CHRNB2: variants seen among roughly 807,000 people sequenced by gnomAD.
CHRNB2 encodes the protein cholinergic receptor nicotinic beta 2 subunit, also known as neuronal acetylcholine receptor subunit beta-2.
Under a neutral mutation model 42.7 loss-of-function variants are expected in CHRNB2, and 33 were observed. That is an observed-to-expected ratio of 0.77 (90% CI 0.59 to 1.03). The LOEUF (loss-of-function observed/expected upper bound fraction) is 1.03, where lower values mean the gene tolerates loss of function less well. Among genes scored for constraint, CHRNB2 ranks in the 50% least tolerant of loss-of-function variants. CHRNB2 has a pLI of 0.00. For missense variants in CHRNB2, 603 were observed against 700.9 expected, an observed-to-expected ratio of 0.86 and a Z score of 1.58; for synonymous variants, 325 against 292.9, an observed-to-expected ratio of 1.11 and a Z score of -1.12.
In CHRNB2 at chr1:154,579,183, G is replaced by C. The variant is rs893280977; in HGVS notation, c.*3251G>C. 1 of 152,254 alleles carries C rather than the reference G, an allele frequency of 6.6e-6. No individual in the cohort carries two copies. The highest frequency in any genetic ancestry group is 1.5e-5 in the Non-Finnish European group (1 of 68,100). 9.4% of individuals were successfully genotyped at this position (152,254 alleles called of 1,614,324 possible). ...CGTTTCCCCCAATGGTCTTGAAACG[G>C]AAGAGGAAACAGGGAGGGCTCTTTG... On this transcript the variant is annotated 3_prime_UTR_variant, in exon 6 of 6. Transcript: ENST00000368476.
chr1:154,567,873 C>T lies in CHRNB2; in HGVS notation c.-172C>T. ...ACCAGGATAGGCAAGAAGCTGGTTT[C>T]TCCTCGCAGCCGGCTCCCTGAGGCC... On this transcript the variant is annotated 5_prime_UTR_variant, in exon 1 of 6. Coordinates refer to ENST00000368476, the MANE Select transcript of CHRNB2 (RefSeq NM_000748.3). 1 of 502,340 alleles carries T rather than the reference C, an allele frequency of 2.0e-6. No individual in the cohort carries two copies. 31.1% of individuals were successfully genotyped at this position (502,340 alleles called of 1,614,324 possible). A position where few individuals can be genotyped will look rare whatever the true frequency, so the allele number is the denominator to read the frequency against.
Position 154,571,356 on chromosome 1 carries a change from A to G in CHRNB2, c.533A>G (p.Tyr178Cys). 6.2e-7 allele frequency: 1 copy of G among 1,614,142 alleles called. No homozygotes were observed. Among genetic ancestry groups the G allele is most frequent in the Non-Finnish European group, 8.5e-7 (1 of 1,180,024 alleles). ...ACCATGAAGTTCCGTTCGTGGACCTACGACCGCACAGAGATCGACTTGGTG... is the reference window on the plus strand; with the variant it reads ...ACCATGAAGTTCCGTTCGTGGACCTGCGACCGCACAGAGATCGACTTGGTG... ...NCTMKFRSWT[Y>C]DRTEIDLVLK... is the part of the protein sequence containing the mutation. Residue 178 changes from tyrosine to cysteine, a missense_variant, in exon 5 of 6, where the codon TAC (tyrosine) becomes TGC (cysteine). By Grantham distance (194) the Tyr-to-Cys change is radical. This residue lies in a region of CHRNB2 where 333 missense variants were observed against 452.6 expected (regional missense o/e 0.74). Coordinates refer to ENST00000368476, the MANE Select transcript of CHRNB2 (RefSeq NM_000748.3). The surrounding 1 kb of genome is among the most constrained non-coding windows in gnomAD (Gnocchi z 6.8).
rs1212459513 is a variant in CHRNB2, at chr1:154,578,187, T to TA, written c.*2256dup. The TA allele has an allele frequency of 8.5e-5, 13 of 152,372 alleles. No homozygotes were observed. The highest frequency in any genetic ancestry group is 2.9e-4 in the African/African-American group (12 of 41,558). 9.4% of individuals were successfully genotyped at this position (152,372 alleles called of 1,614,324 possible). On this transcript the variant is annotated 3_prime_UTR_variant, in exon 6 of 6. Coordinates refer to ENST00000368476, the MANE Select transcript of CHRNB2 (RefSeq NM_000748.3). ...AGGAAAGGAGCCTCCCTCTGAAGGGTAGGATGCCGGCCTGAGGCCCTCCCT... is the reference window on the plus strand; with the variant it reads ...AGGAAAGGAGCCTCCCTCTGAAGGGTAAGGATGCCGGCCTGAGGCCCTCCCT...
rs533386210 is a variant in CHRNB2 at position 154,579,893 on chromosome 1, C to G, written c.*3961C>G. 2.0e-5 allele frequency: 3 copies of G among 152,540 alleles called. No individual in the cohort carries two copies. Among genetic ancestry groups the G allele is most frequent in the East Asian group, 1.9e-4 (1 of 5,188 alleles). The allele number at this position is 152,540 out of a possible 1,614,324, so 9.4% of individuals were successfully genotyped here. A position where few individuals can be genotyped will look rare whatever the true frequency, so the allele number is the denominator to read the frequency against. ...TTGTTTCCAAAGTTGTCTTGTCACT[C>G]TATTTGGGGGTTGGGAGAGAGCCCG... On this transcript the variant is annotated 3_prime_UTR_variant, in exon 6 of 6. Transcript: ENST00000368476.
At position 154,575,884 on chromosome 1, in the gene CHRNB2, C is replaced by T. The variant is rs1696263685; in HGVS notation, c.1461C>T (p.Thr487=). 2 of 1,614,070 alleles carry T rather than the reference C, an allele frequency of 1.2e-6. No homozygotes were observed. The highest frequency in any genetic ancestry group is 3.3e-5 in the Admixed American group (2 of 60,004). The part of the protein sequence containing the change: ...MFLQPLFQNY[T]TTTFLHSDHS... ...TGCAGCCTCTCTTCCAGAACTACAC[C>T]ACCACCACCTTCCTCCACTCAGACC... The change falls in exon 6 of 6, where the codon ACC becomes ACT. Residue 487 remains threonine, a synonymous_variant. Coordinates refer to ENST00000368476, the MANE Select transcript of CHRNB2 (RefSeq NM_000748.3).
rs1696331362 is a variant in CHRNB2, at chr1:154,578,730, T to A, written c.*2798T>A. 1 of 152,244 alleles carries A rather than the reference T, an allele frequency of 6.6e-6. No individual in the cohort carries two copies. Among genetic ancestry groups the A allele is most frequent in the Admixed American group, 6.5e-5 (1 of 15,288 alleles). The allele number at this position is 152,244 out of a possible 1,614,324, so 9.4% of individuals were successfully genotyped here. A position where few individuals can be genotyped will look rare whatever the true frequency, so the allele number is the denominator to read the frequency against. ...TGGGTCGTGTGTCGTCCTCTTCTCT[T>A]GATGTCAGGGAAGCCCCTATGCCTC... On this transcript the variant is annotated 3_prime_UTR_variant, in exon 6 of 6. Transcript: ENST00000368476.
chr1:154,573,939 G>A (rs560040520), intron 5 of CHRNB2, among the ~76,000 whole-genome samples: 10 of 151,990 alleles, frequency 6.6e-5, no homozygotes, highest in African/African-American at 2.2e-4. Flanking sequence ...TAGTAGAGAC[G>A]GGGTTTTACC....
At position 154,579,976 on chromosome 1, in the gene CHRNB2, G is replaced by A. The variant is rs952582778; in HGVS notation, c.*4044G>A. ...GGAGAATGCTGGAGAAACTGGACTCGTGAGAGCTTAAAGACATCACAAGAA... is the reference window on the plus strand; with the variant it reads ...GGAGAATGCTGGAGAAACTGGACTCATGAGAGCTTAAAGACATCACAAGAA... On this transcript the variant is annotated 3_prime_UTR_variant, in exon 6 of 6. Transcript: ENST00000368476. 6.6e-6 allele frequency: 1 copy of A among 152,292 alleles called. No homozygotes were observed. Among genetic ancestry groups the A allele is most frequent in the Non-Finnish European group, 1.5e-5 (1 of 68,076 alleles). 9.4% of individuals were successfully genotyped at this position (152,292 alleles called of 1,614,324 possible).
chr1:154,574,970 A>G (rs1212860618), intron 5 of CHRNB2, among the ~76,000 whole-genome samples: 2 of 152,216 alleles, frequency 1.3e-5, no homozygotes, highest in Non-Finnish European at 2.9e-5. Context: ...CGTTTGTGCA[A>G]GCCTTGTGAC....
rs927693883 is a variant in CHRNB2 at position 154,571,856 on chromosome 1, G to A, written c.1033G>A (p.Ala345Thr). The A allele has an allele frequency of 1.9e-6, 3 of 1,608,690 alleles. No individual in the cohort carries two copies. Among genetic ancestry groups the A allele is most frequent in the Non-Finnish European group, 2.5e-6 (3 of 1,178,858 alleles). Reference sequence around the variant, plus strand: ...GGTCGTCTTCCTGGAGAAGCTGCCCGCGCTGCTCTTCATGCAGCAGCCACG... The same window carrying A: ...GGTCGTCTTCCTGGAGAAGCTGCCCACGCTGCTCTTCATGCAGCAGCCACG... ...VKVVFLEKLP[A>T]LLFMQQPRHH... The change falls in exon 5 of 6, where the codon GCG becomes ACG. Residue 345 changes from alanine (A) to threonine (T), a missense_variant. Transcript: ENST00000368476. This position sits in a 1 kb window ranked among gnomAD's most constrained non-coding sequence, Gnocchi z 6.8.
chr1:154,574,536 A>AT (rs1696235521), intron 5 of CHRNB2, among the ~76,000 whole-genome samples: 1 of 151,418 alleles, frequency 6.6e-6, no homozygotes, highest in African/African-American at 2.4e-5. Context: ...GGTTTGTCTG[A>AT]TTGTTTCTTT....
At position 154,569,557 on chromosome 1, in the gene CHRNB2, G is replaced by A; in HGVS notation, c.160G>A (p.Glu54Lys). Residue 54 changes from glutamate (E) to lysine (K), a missense_variant, in exon 2 of 6, where the codon GAG (glutamate) becomes AAG (lysine). Physicochemically the swap from Glu to Lys is moderately conservative, Grantham distance 56. Around this residue, in one of 2 missense-constraint regions of CHRNB2, gnomAD observed 333 missense variants for 452.6 expected, o/e 0.74. Transcript: ENST00000368476. Reference protein sequence around the residue: ...KLIRPATNGSELVTVQLMVSL... With the variant: ...KLIRPATNGSKLVTVQLMVSL... ...TATCCGCCCAGCCACCAATGGCTCT[G>A]AGCTGGTGACAGTACAGCTTATGGT... 1 of 1,614,126 alleles carries A rather than the reference G, an allele frequency of 6.2e-7. No homozygotes were observed.
At chr1:154,568,164 C>T in intron 1 of CHRNB2, 56 bp downstream of exon 1, 2 of 1,541,558 alleles carry the variant, frequency 1.3e-6, no homozygotes, top group East Asian at 4.8e-5. Flanking sequence ...CGGCCCAAGA[C>T]TCGCCGCCCT....
In CHRNB2 at chr1:154,571,308, T is replaced by C. The variant is rs1696160348; in HGVS notation, c.485T>C (p.Phe162Ser). The change falls in exon 5 of 6, where the codon TTC becomes TCC. Residue 162 changes from phenylalanine (F) to serine (S), a missense_variant. Phe to Ser is a radical substitution (Grantham distance 155). This residue lies in a region of CHRNB2 where 333 missense variants were observed against 452.6 expected (regional missense o/e 0.74). Transcript: ENST00000368476. This position sits in a 1 kb window ranked among gnomAD's most constrained non-coding sequence, Gnocchi z 6.8. ...GCATGCAAGATTGAAGTAAAGCACTTCCCATTTGACCAGCAGAACTGCACC... is the reference window on the plus strand; with the variant it reads ...GCATGCAAGATTGAAGTAAAGCACTCCCCATTTGACCAGCAGAACTGCACC... ...KSACKIEVKH[F>S]PFDQQNCTMK... The C allele has an allele frequency of 3.1e-6, 5 of 1,614,120 alleles. No individual in the cohort carries two copies. Among genetic ancestry groups the C allele is most frequent in the Non-Finnish European group, 4.2e-6 (5 of 1,180,024 alleles).
chr1:154,575,703 C>A (rs919548487), intron 5 of CHRNB2, 59 bp from the exon 6 acceptor site: 5 of 1,575,674 alleles, frequency 3.2e-6, no homozygotes, highest in Non-Finnish European at 4.4e-6. Flanking sequence ...CCCGCTTATA[C>A]TCGTTTGTCT....
Position 154,571,127 on chromosome 1 carries a change from G to A in CHRNB2, c.366-62G>A. 6.2e-7 allele frequency: 1 copy of A among 1,612,752 alleles called. No homozygotes were observed. The stretch of plus-strand genomic sequence containing the variant: ...TTTGCTCTCCTCCCATTAGGGGCTG[G>A]GTTGATGGGTAAGGAGGAAGGAACG... On this transcript the variant is annotated intron_variant, in intron 4 of 5. Transcript: ENST00000368476. This position sits in a 1 kb window ranked among gnomAD's most constrained non-coding sequence, Gnocchi z 6.8.
Position 154,571,361 on chromosome 1 carries a change from C to T in CHRNB2, c.538C>T (p.Arg180Cys), listed in dbSNP as rs1469333218. 9 of 1,614,092 alleles carry T rather than the reference C, an allele frequency of 5.6e-6. No homozygotes were observed. The highest frequency in any genetic ancestry group is 1.6e-4 in the Middle Eastern group (1 of 6,084). The change falls in exon 5 of 6, where the codon CGC becomes TGC. Residue 180 changes from arginine to cysteine, a missense_variant. By Grantham distance (180) the Arg-to-Cys change is radical. Coordinates refer to ENST00000368476, the MANE Select transcript of CHRNB2 (RefSeq NM_000748.3). This position sits in a 1 kb window ranked among gnomAD's most constrained non-coding sequence, Gnocchi z 6.8. ...TMKFRSWTYD[R>C]TEIDLVLKSE... ...GAAGTTCCGTTCGTGGACCTACGACCGCACAGAGATCGACTTGGTGCTGAA... is the reference window on the plus strand; with the variant it reads ...GAAGTTCCGTTCGTGGACCTACGACTGCACAGAGATCGACTTGGTGCTGAA...
At chr1:154,574,726 T>C (rs1696239562) in intron 5 of CHRNB2, among the ~76,000 whole-genome samples, 1 of 152,206 alleles carries the variant, frequency 6.6e-6, no homozygotes, top group Non-Finnish European at 1.5e-5. Flanking sequence ...CCTCCCTCAG[T>C]AGACTGTAAA....
In CHRNB2 at chr1:154,578,339, T is replaced by C. The variant is rs1335206299; in HGVS notation, c.*2407T>C. 1.3e-5 allele frequency: 2 copies of C among 152,238 alleles called. No individual in the cohort carries two copies. The highest frequency in any genetic ancestry group is 2.9e-5 in the Non-Finnish European group (2 of 68,048). 9.4% of individuals were successfully genotyped at this position (152,238 alleles called of 1,614,324 possible). A position where few individuals can be genotyped will look rare whatever the true frequency, so the allele number is the denominator to read the frequency against. ...AGTCACCAAATGGTGCTAGAGGGGATGGCAGAGAGCAGCTTGTCCAGCTCC... is the reference window on the plus strand; with the variant it reads ...AGTCACCAAATGGTGCTAGAGGGGACGGCAGAGAGCAGCTTGTCCAGCTCC... On this transcript the variant is annotated 3_prime_UTR_variant, in exon 6 of 6. Transcript: ENST00000368476.
Sources: allele counts gnomAD v4.1 joint callset (sites outside exome capture counted in the v4.1 genomes callset), GRCh38; gene constraint gnomAD v4.1.1; regional missense constraint gnomAD v4.1.1; non-coding constraint Gnocchi (gnomAD v3.1); transcripts MANE v1.5; gene names NCBI Gene and HGNC (gene_info 2026-07-23, HGNC 2026-07-21).